CHERP: variants seen among roughly 807,000 people sequenced by gnomAD.
The protein encoded by CHERP is ERPROT 213-21.
In CHERP, 8 loss-of-function variants were observed where a neutral mutation model predicts 113.8. The observed-to-expected ratio is 0.07, with a 90% confidence interval of 0.04 to 0.13. The LOEUF is 0.13. CHERP is among the 10% of genes least tolerant of loss of function. The pLI is 1.00. For missense variants in CHERP, 884 were observed against 1,298.2 expected, an observed-to-expected ratio of 0.68 and a Z score of 4.90; for synonymous variants, 559 against 524.5, an observed-to-expected ratio of 1.07 and a Z score of -0.90.
In CHERP at chr19:16,520,209, C is replaced by T. The variant is rs2085596943; in HGVS notation, c.2402G>A (p.Arg801Gln). 1.2e-6 allele frequency: 2 copies of T among 1,613,374 alleles called. No individual in the cohort carries two copies. The highest frequency in any genetic ancestry group is 1.7e-6 in the Non-Finnish European group (2 of 1,180,024). The change falls in exon 15 of 17, where the codon CGG (arginine) becomes CAG (glutamine). Residue 801 changes from arginine (R) to glutamine (Q), a missense_variant. Coordinates refer to ENST00000546361, the MANE Select transcript of CHERP (RefSeq NM_006387.6). This position sits in a 1 kb window ranked among gnomAD's most constrained non-coding sequence, Gnocchi z 4.0. Reference sequence around the variant, plus strand: ...TCTTCCTGGGGAGTACGACTTGGACCGGGACCGCGACTGGGACCGGGAGCG... The same window carrying T: ...TCTTCCTGGGGAGTACGACTTGGACTGGGACCGCGACTGGGACCGGGAGCG... Reference protein sequence around the residue: ...RSRSRSQSRSRSKSYSPGRRR... With the variant: ...RSRSRSQSRSQSKSYSPGRRR...
rs892301373 is a variant in CHERP at position 16,524,223 on chromosome 19, C to T, written c.1742-933G>A. On this transcript the variant is annotated intron_variant, in intron 10 of 16. Transcript: ENST00000546361. ...GACTGTGCCACTGCACTCCAGCCTG[C>T]GTGACAGTGAGGCTCAGTCTCAAAA... Among the ~76,000 whole-genome samples, 9 of 150,752 alleles carry T rather than the reference C, an allele frequency of 6.0e-5. No homozygotes were observed. The East Asian group carries it at 9.9e-4, about 17-fold the overall frequency.
In CHERP at chr19:16,523,802, C is replaced by T. The variant is rs1185200938; in HGVS notation, c.1742-512G>A. 6.6e-6 allele frequency among the ~76,000 whole-genome samples: 1 copy of T among 152,168 alleles called. No individual in the cohort carries two copies. Among genetic ancestry groups the T allele is most frequent in the Non-Finnish European group, 1.5e-5 (1 of 68,042 alleles). On this transcript the variant is annotated intron_variant, in intron 10 of 16. Coordinates refer to ENST00000546361, the MANE Select transcript of CHERP (RefSeq NM_006387.6). The surrounding 1 kb of genome is among the most constrained non-coding windows in gnomAD (Gnocchi z 4.0). ...CACTAACCTGAACCCGCCACACCTCCACCTTGGACCTCCAGCCCCCAGATC... is the reference window on the plus strand; with the variant it reads ...CACTAACCTGAACCCGCCACACCTCTACCTTGGACCTCCAGCCCCCAGATC...
chr19:16,542,247 A>C, intron 1 of CHERP, 107 bp downstream of exon 1: 1 of 1,157,502 alleles, frequency 8.6e-7, no homozygotes, highest in Non-Finnish European at 1.2e-6. Context: ...CGAAGCCGCG[A>C]GGCCGAGCCC....
rs532941622 is a variant in CHERP at position 16,540,840 on chromosome 19, G to GGCGCGGGCCACC, written c.199+1018_199+1029dup. Among the ~76,000 whole-genome samples, 260 of 151,842 alleles carry GGCGCGGGCCACC rather than the reference G, an allele frequency of 1.7e-3. 5 individuals are homozygous for GGCGCGGGCCACC. In the East Asian group the frequency reaches 0.044, roughly 26 times the overall value. ...AGCCTCCCAAGTAGCTGGGACTACA[G>GGCGCGGGCCACC]GCGCGGGCCACCACACCCGGCTAAT... On this transcript the variant is annotated intron_variant, in intron 2 of 16. Coordinates refer to ENST00000546361, the MANE Select transcript of CHERP (RefSeq NM_006387.6).
In CHERP at chr19:16,532,969, G is replaced by T; in HGVS notation, c.522+42C>A. On this transcript the variant is annotated intron_variant, in intron 4 of 16. Transcript: ENST00000546361. This position sits in a 1 kb window ranked among gnomAD's most constrained non-coding sequence, Gnocchi z 4.4. ...TACGACAGGCCCTGCCTCAGGGAGG[G>T]ACCAAGGGAAAGCTGGGCTCTGGGA... 1 of 1,555,196 alleles carries T rather than the reference G, an allele frequency of 6.4e-7. No homozygotes were observed. Among genetic ancestry groups the T allele is most frequent in the Non-Finnish European group, 8.7e-7 (1 of 1,148,308 alleles).
chr19:16,533,041 G>T lies in CHERP; in HGVS notation c.492C>A (p.Ile164=). The change falls in exon 4 of 17, where the codon ATC becomes ATA. Residue 164 remains isoleucine (I), a synonymous_variant. Coordinates refer to ENST00000546361, the MANE Select transcript of CHERP (RefSeq NM_006387.6). ...MNEFDNLLQP[I]IDTCTKDAIS... Reference sequence around the variant, plus strand: ...TGGCGTCCTTGGTGCACGTGTCGATGATGGGCTGCAGGAGGTTGTCAAACT... The same window carrying T: ...TGGCGTCCTTGGTGCACGTGTCGATTATGGGCTGCAGGAGGTTGTCAAACT... 6.4e-7 allele frequency: 1 copy of T among 1,570,370 alleles called. No homozygotes were observed. Among genetic ancestry groups the T allele is most frequent in the Non-Finnish European group, 8.6e-7 (1 of 1,157,030 alleles).
rs2085712435 is a variant in CHERP, at chr19:16,532,408, C to T, written c.674+190G>A. The T allele has an allele frequency of 1.5e-6, 1 of 663,104 alleles. No homozygotes were observed. The highest frequency in any genetic ancestry group is 2.5e-6 in the Non-Finnish European group (1 of 399,190). The allele number at this position is 663,104 out of a possible 1,614,324, so 41.1% of individuals were successfully genotyped here. A position where few individuals can be genotyped will look rare whatever the true frequency, so the allele number is the denominator to read the frequency against. ...CATGCAGCGAAGGTGCACAGGACAC[C>T]TAGACCTCGCAGTCCTGGAGACAGA... On this transcript the variant is annotated intron_variant, in intron 5 of 16. Transcript: ENST00000546361. The surrounding 1 kb of genome is among the most constrained non-coding windows in gnomAD (Gnocchi z 4.4).
Position 16,519,525 on chromosome 19 carries a change from A to C in CHERP, c.2557+96T>G, listed in dbSNP as rs1437394345. The stretch of plus-strand genomic sequence containing the variant: ...AGTCAGAACCGGCCTGACTCCATCC[A>C]TCCCCACATGCACTGAGGAAGAGAA... On this transcript the variant is annotated intron_variant, in intron 16 of 16. Transcript: ENST00000546361. This position sits in a 1 kb window ranked among gnomAD's most constrained non-coding sequence, Gnocchi z 6.0. 11 of 1,305,692 alleles carry C rather than the reference A, an allele frequency of 8.4e-6. No individual in the cohort carries two copies. In the East Asian group the frequency reaches 2.3e-4, roughly 28 times the overall value. The allele number at this position is 1,305,692 out of a possible 1,614,324, so 80.9% of individuals were successfully genotyped here.
rs879523293 is a variant in CHERP at position 16,525,111 on chromosome 19, C to T, written c.1741+131G>A. The stretch of plus-strand genomic sequence containing the variant: ...GAGAACCCAGGCCGGGCTCCTCGGA[C>T]GTCCCATGACCCTGTGTCTGTCACT... On this transcript the variant is annotated intron_variant, in intron 10 of 16. Transcript: ENST00000546361. This position sits in a 1 kb window ranked among gnomAD's most constrained non-coding sequence, Gnocchi z 6.5. The T allele has an allele frequency of 6.5e-5, 57 of 882,902 alleles. No homozygotes were observed. Among genetic ancestry groups the T allele is most frequent in the Middle Eastern group, 3.7e-4 (1 of 2,706 alleles). 54.7% of individuals were successfully genotyped at this position (882,902 alleles called of 1,614,324 possible).
chr19:16,542,175 C>G (rs896776489), intron 1 of CHERP, 132 bp from the exon 2 acceptor site: 2 of 1,172,194 alleles, frequency 1.7e-6, no homozygotes, highest in African/African-American at 3.2e-5. Context: ...CGCCCTTGTA[C>G]GGGTCCCGAT....
At position 16,520,310 on chromosome 19, in the gene CHERP, G is replaced by A. The variant is rs372180389; in HGVS notation, c.2346-45C>T. On this transcript the variant is annotated intron_variant, in intron 14 of 16. Transcript: ENST00000546361. This position sits in a 1 kb window ranked among gnomAD's most constrained non-coding sequence, Gnocchi z 4.0. The stretch of plus-strand genomic sequence containing the variant: ...AGGGTCAGCAGCAGCCAGGCGTCGT[G>A]GGGAGGCCACAGGAAGAGGCCTCAG... 8.1e-5 allele frequency: 131 copies of A among 1,610,894 alleles called. 1 individual carries two copies. Among genetic ancestry groups the A allele is most frequent in the Non-Finnish European group, 9.1e-5 (107 of 1,177,938 alleles).
intron 2 of CHERP, 71 bp downstream of exon 2, chr19:16,541,799 G>A: frequency 6.8e-7 from 1 of 1,480,954 alleles, no homozygotes; most frequent in Non-Finnish European, 9.2e-7. Context: ...AGAGGTTTGT[G>A]GCAGAGCCCG....
chr19:16,521,118 C>G (rs547590309), intron 12 of CHERP: 1 of 609,524 alleles, frequency 1.6e-6, no homozygotes, highest in East Asian at 2.8e-5. Context: ...GTGCCCACGC[C>G]CTTGCCACCC....
In CHERP at chr19:16,530,968, C is replaced by T. The variant is rs1173858326; in HGVS notation, c.675-88G>A. On this transcript the variant is annotated intron_variant, in intron 5 of 16. Transcript: ENST00000546361. The surrounding 1 kb of genome is among the most constrained non-coding windows in gnomAD (Gnocchi z 4.1). ...ACCATCGCGGCTCCAGCCTCAGCGC[C>T]CTCTGCCTTCTCGGGAATCGGGTCC... 13 of 1,536,592 alleles carry T rather than the reference C, an allele frequency of 8.5e-6. No homozygotes were observed. The highest frequency in any genetic ancestry group is 1.1e-5 in the Non-Finnish European group (13 of 1,145,246).
chr19:16,528,116 G>A lies in CHERP; in HGVS notation c.1269C>T (p.Asp423=), dbSNP rs1369583006. The change falls in exon 9 of 17, where the codon GAC becomes GAT. Residue 423 remains aspartate, a synonymous_variant. Transcript: ENST00000546361. ...QIPPNKPPWF[D]QPHPVAPWGQ... is the part of the protein sequence containing the mutation. ...CCCAAGGAGCCACGGGGTGAGGCTG[G>A]TCAAACCAAGGGGGCTTGTTTGGTG... is the stretch of plus-strand genomic sequence containing the variant. The A allele has an allele frequency of 1.2e-6, 2 of 1,613,724 alleles. No individual in the cohort carries two copies. Among genetic ancestry groups the A allele is most frequent in the South Asian group, 2.2e-5 (2 of 91,072 alleles).
Position 16,520,686 on chromosome 19 carries a change from T to G in CHERP, c.2201+140A>C. On this transcript the variant is annotated intron_variant, in intron 13 of 16. Coordinates refer to ENST00000546361, the MANE Select transcript of CHERP (RefSeq NM_006387.6). This position sits in a 1 kb window ranked among gnomAD's most constrained non-coding sequence, Gnocchi z 4.0. ...GTGGCCGAGCCTGCTGCTGTGTGAA[T>G]TCAGGCCTTGTGGAAAACACCGCCC... is the stretch of plus-strand genomic sequence containing the variant. 7 of 1,145,626 alleles carry G rather than the reference T, an allele frequency of 6.1e-6. No individual in the cohort carries two copies. The South Asian group carries it at 9.1e-5, about 15-fold the overall frequency. The allele number at this position is 1,145,626 out of a possible 1,614,324, so 71.0% of individuals were successfully genotyped here.
intron 2 of CHERP, among the ~76,000 whole-genome samples, chr19:16,539,216 CG>C (rs1568265161): frequency 6.7e-6 from 1 of 148,222 alleles, no homozygotes; most frequent in African/African-American, 2.5e-5. Context: ...GGTGCGATCT[CG>C]GCTCACTGCA....
At position 16,520,341 on chromosome 19, in the gene CHERP, G is replaced by A; in HGVS notation, c.2345+23C>T. The A allele has an allele frequency of 6.2e-7, 1 of 1,611,660 alleles. No homozygotes were observed. The highest frequency in any genetic ancestry group is 1.7e-5 in the Admixed American group (1 of 59,952). On this transcript the variant is annotated intron_variant, in intron 14 of 16. Coordinates refer to ENST00000546361, the MANE Select transcript of CHERP (RefSeq NM_006387.6). This position sits in a 1 kb window ranked among gnomAD's most constrained non-coding sequence, Gnocchi z 4.0. ...GCCACAGGAAGAGGCCTCAGGCACT[G>A]CCCTGAGGCAGCCTCTGCCTACCTA...
rs760459314 is a variant in CHERP, at chr19:16,520,248, C to T, written c.2363G>A (p.Arg788His). Residue 788 changes from arginine (R) to histidine (H), a missense_variant, in exon 15 of 17, where the codon CGC (arginine) becomes CAC (histidine). Arg to His is a conservative substitution (Grantham distance 29). Around this residue, in one of 8 missense-constraint regions of CHERP, gnomAD observed 159 missense variants for 185.8 expected, o/e 0.86. Transcript: ENST00000546361. This position sits in a 1 kb window ranked among gnomAD's most constrained non-coding sequence, Gnocchi z 4.0. ...RSRSRSRSRS[R>H]SSRSRSRSQS... The stretch of plus-strand genomic sequence containing the variant: ...GGACCGGGAGCGGCTTCTGGAGGAG[C>T]GCGACCTGCTCCGACTTCTGCAGGG... The T allele has an allele frequency of 1.4e-5, 22 of 1,613,190 alleles. No homozygotes were observed. Among genetic ancestry groups the T allele is most frequent in the African/African-American group, 4.0e-5 (3 of 74,888 alleles).
Sources: allele counts gnomAD v4.1 joint callset (sites outside exome capture counted in the v4.1 genomes callset), GRCh38; gene constraint gnomAD v4.1.1; regional missense constraint gnomAD v4.1.1; non-coding constraint Gnocchi (gnomAD v3.1); transcripts MANE v1.5; gene names NCBI Gene and HGNC (gene_info 2026-07-23, HGNC 2026-07-21).